HARS1: variants seen among roughly 807,000 people sequenced by gnomAD.
HARS1 encodes the protein histidine--tRNA ligase, cytoplasmic.
A neutral mutation model predicts 63.6 loss-of-function variants in HARS1; 45 were observed. The ratio of observed to expected loss-of-function variants is 0.71; its 90% CI spans 0.56 to 0.91. The LOEUF is 0.91. Among genes scored for constraint, HARS1 ranks in the 40% least tolerant of loss-of-function variants. The probability of loss-of-function intolerance (pLI) is 0.00; values close to 1 mark genes in which losing one functional copy is unlikely to be tolerated. For synonymous variants in HARS1, 205 were observed against 247.1 expected (o/e 0.83, Z 1.60); for missense variants, 508 against 643.2 (o/e 0.79, Z 2.27).
chr5:140,680,810 A>G (rs1370595476), intron 3 of HARS1, among the ~76,000 whole-genome samples: 1 of 151,990 alleles, frequency 6.6e-6, no homozygotes, highest in East Asian at 1.9e-4. Flanking sequence ...ATTGCACTCC[A>G]GCCTGGGTGA....
intron 2 of HARS1, among the ~76,000 whole-genome samples, chr5:140,689,852 G>A (rs1052644719): frequency 1.3e-5 from 2 of 152,192 alleles, no homozygotes; most frequent in Non-Finnish European, 2.9e-5. Context: ...AAGTGGAACT[G>A]AACTGGAGGA....
Position 140,691,301 on chromosome 5 carries a change from C to T in HARS1, c.4G>A (p.Ala2Thr), listed in dbSNP as rs1759420210. Reference sequence around the variant, plus strand: ...AGCTCCTCCAGCGCCGCACGCTCTGCCATCCCGGCTGTCCACTTGAGCCGC... The same window carrying T: ...AGCTCCTCCAGCGCCGCACGCTCTGTCATCCCGGCTGTCCACTTGAGCCGC... MAERAALEELVK... is the reference protein window; with the variant it reads MTERAALEELVK... The change falls in exon 1 of 13, where the codon GCA (alanine) becomes ACA (threonine). Residue 2 changes from alanine (A) to threonine (T), a missense_variant. Coordinates refer to ENST00000504156, the MANE Select transcript of HARS1 (RefSeq NM_002109.6). The T allele has an allele frequency of 6.2e-7, 1 of 1,604,094 alleles. No individual in the cohort carries two copies. Among genetic ancestry groups the T allele is most frequent in the Non-Finnish European group, 8.5e-7 (1 of 1,178,068 alleles).
intron 10 of HARS1, 43 bp from the exon 11 acceptor site, chr5:140,675,176 A>G (rs1758292062): frequency 8.0e-7 from 1 of 1,255,956 alleles, no homozygotes; most frequent in Non-Finnish European, 1.2e-6. Context: ...TAACACCTTC[A>G]AGGAGCAAAC....
Position 140,679,357 on chromosome 5 carries a change from T to C in HARS1, c.397-230A>G. ...CCCTTTTGTAGTGTTGACTGGACTT[T>C]TTTGAGCATGGCAAGGGGCTGGGCA... On this transcript the variant is annotated intron_variant, in intron 4 of 12. Coordinates refer to ENST00000504156, the MANE Select transcript of HARS1 (RefSeq NM_002109.6). The surrounding 1 kb of genome is among the most constrained non-coding windows in gnomAD (Gnocchi z 4.3). The C allele has an allele frequency of 2.1e-6, 1 of 475,704 alleles. No individual in the cohort carries two copies. 29.5% of individuals were successfully genotyped at this position (475,704 alleles called of 1,614,324 possible). A position where few individuals can be genotyped will look rare whatever the true frequency, so the allele number is the denominator to read the frequency against.
intron 8 of HARS1, 91 bp from the exon 9 acceptor site, chr5:140,677,207 ATGTG>A: frequency 3.4e-6 from 5 of 1,451,036 alleles, no homozygotes; most frequent in Non-Finnish European, 3.9e-6. Flanking sequence ...TCGCCCATGC[ATGTG>A]TGTGTACATA....
intron 2 of HARS1, among the ~76,000 whole-genome samples, chr5:140,690,586 G>A (rs770071776): frequency 6.6e-6 from 1 of 152,198 alleles, no homozygotes; most frequent in Non-Finnish European, 1.5e-5. Context: ...TAGAGACATA[G>A]CGCTAAATAC....
intron 2 of HARS1, chr5:140,684,269 G>A: frequency 2.5e-6 from 2 of 792,940 alleles, no homozygotes; most frequent in Non-Finnish European, 3.1e-6. Flanking sequence ...CAGCCTGGGA[G>A]ACAGAGCAAG....
intron 12 of HARS1, 149 bp downstream of exon 12, chr5:140,674,530 T>C: frequency 1.1e-6 from 1 of 931,814 alleles, no homozygotes; most frequent in Non-Finnish European, 1.7e-6. Context: ...CTCACCCTAC[T>C]AAGACCACAG....
chr5:140,675,037 GT>G lies in HARS1; in HGVS notation c.1290del (p.Glu430AspfsTer20). On this transcript the variant is annotated frameshift_variant, in exon 11 of 13. Transcript: ENST00000504156. LOFTEE classifies it high-confidence loss of function. ...CATACCTTGATCCCAGCATCCCACA[GT>G]TCTGAGACAAGCTTTAGTCTTTCCT... Reference protein sequence around the residue: ...LLEERLKLVSELWDAGIKAEL... With the variant: ...LLEERLKLVSXLWDAGIKAEL... 1 of 1,611,436 alleles carries G rather than the reference GT, an allele frequency of 6.2e-7. No homozygotes were observed. The highest frequency in any genetic ancestry group is 8.5e-7 in the Non-Finnish European group (1 of 1,177,616).
Position 140,674,085 on chromosome 5 carries a change from G to T in HARS1, c.*172C>A. ...AAAGGTGTTGTACCTGGCCGTTTTT[G>T]CCAGTAATAATCAATAAAATAACCA... is the stretch of plus-strand genomic sequence containing the variant. On this transcript the variant is annotated 3_prime_UTR_variant, in exon 13 of 13. Coordinates refer to ENST00000504156, the MANE Select transcript of HARS1 (RefSeq NM_002109.6). 1.0e-4 allele frequency: 69 copies of T among 663,244 alleles called. No individual in the cohort carries two copies. The highest frequency in any genetic ancestry group is 1.4e-4 in the East Asian group (5 of 35,108). The allele number at this position is 663,244 out of a possible 1,614,324, so 41.1% of individuals were successfully genotyped here. A position where few individuals can be genotyped will look rare whatever the true frequency, so the allele number is the denominator to read the frequency against.
Position 140,679,004 on chromosome 5 carries a change from A to C in HARS1, c.520T>G (p.Cys174Gly). 1 of 1,613,596 alleles carries C rather than the reference A, an allele frequency of 6.2e-7. No homozygotes were observed. Among genetic ancestry groups the C allele is most frequent in the Non-Finnish European group, 8.5e-7 (1 of 1,179,752 alleles). ...CCCCACGGTTTCCCAACACTCACAC[A>C]CTGGTAGAATTCCCGGTATCGGCCA... ...TRGRYREFYQ[C>G]DFDIAGNFDP... The change falls in exon 5 of 13, where the codon TGT (cysteine) becomes GGT (glycine). Residue 174 changes from cysteine (C) to glycine (G), a missense_variant and splice_region_variant. Coordinates refer to ENST00000504156, the MANE Select transcript of HARS1 (RefSeq NM_002109.6). This position sits in a 1 kb window ranked among gnomAD's most constrained non-coding sequence, Gnocchi z 4.3.
intron 1 of HARS1, 114 bp downstream of exon 1, chr5:140,691,101 C>T: frequency 1.0e-6 from 1 of 952,708 alleles, no homozygotes; most frequent in Middle Eastern, 2.1e-4. Context: ...AGCCCACTCT[C>T]CTCCCTACAA....
chr5:140,676,980 T>G lies in HARS1; in HGVS notation c.951+9A>C. Reference sequence around the variant, plus strand: ...GCTCAGAAGGGATCCCGTCCCCAACTTGACTCACTTTGTCATCAATGCCAA... The same window carrying G: ...GCTCAGAAGGGATCCCGTCCCCAACGTGACTCACTTTGTCATCAATGCCAA... On this transcript the variant is annotated intron_variant, in intron 9 of 12. Transcript: ENST00000504156. This position sits in a 1 kb window ranked among gnomAD's most constrained non-coding sequence, Gnocchi z 4.1. 1.9e-6 allele frequency: 3 copies of G among 1,614,238 alleles called. No individual in the cohort carries two copies. Among genetic ancestry groups the G allele is most frequent in the Non-Finnish European group, 2.5e-6 (3 of 1,180,036 alleles).
rs1430747710 is a variant in HARS1 at position 140,676,683 on chromosome 5, T to A, written c.1165A>T (p.Ile389Phe). 1.2e-6 allele frequency: 2 copies of A among 1,614,024 alleles called. No individual in the cohort carries two copies. The highest frequency in any genetic ancestry group is 1.7e-6 in the Non-Finnish European group (2 of 1,180,030). ...AGTCTCTGTTCCACGATGGAGAAAA[T>A]CCGCTCCACCCCAATGCTGAGCCCC... is the stretch of plus-strand genomic sequence containing the variant. ...CVGLSIGVER[I>F]FSIVEQRLEA... The change falls in exon 10 of 13, where the codon ATT (isoleucine) becomes TTT (phenylalanine). Residue 389 changes from isoleucine to phenylalanine, a missense_variant. Ile to Phe is a conservative substitution (Grantham distance 21). This residue lies in a region of HARS1 where 403 missense variants were observed against 548.7 expected (regional missense o/e 0.73). Transcript: ENST00000504156. The surrounding 1 kb of genome is among the most constrained non-coding windows in gnomAD (Gnocchi z 4.1).
intron 12 of HARS1, 118 bp from the exon 13 acceptor site, chr5:140,674,446 A>T (rs1758232796): frequency 1.2e-6 from 1 of 846,652 alleles, no homozygotes; most frequent in Non-Finnish European, 2.0e-6. Context: ...GCAGGAACCT[A>T]ATTAAACACC....
Position 140,677,732 on chromosome 5 carries a change from C to A in HARS1, c.652G>T (p.Asp218Tyr). The part of the protein sequence containing the change: ...LVKVNDRRIL[D>Y]GMFAICGVSD... ...ACACCACAGATAGCAAACATCCCAT[C>A]TAGAATGCGTCGATCGTTTACCTGC... Residue 218 changes from aspartate to tyrosine, a missense_variant, in exon 7 of 13, where the codon GAT becomes TAT. By Grantham distance (160) the Asp-to-Tyr change is radical. This residue lies in a region of HARS1 where 403 missense variants were observed against 548.7 expected (regional missense o/e 0.73). Coordinates refer to ENST00000504156, the MANE Select transcript of HARS1 (RefSeq NM_002109.6). 6.2e-7 allele frequency: 1 copy of A among 1,610,732 alleles called. No individual in the cohort carries two copies. The highest frequency in any genetic ancestry group is 2.2e-5 in the East Asian group (1 of 44,826).
chr5:140,688,401 A>G (rs1165182277), intron 2 of HARS1, among the ~76,000 whole-genome samples: 2 of 152,024 alleles, frequency 1.3e-5, no homozygotes, highest in Non-Finnish European at 2.9e-5. Flanking sequence ...TTTTTCTTAC[A>G]TATTTTTAAA....
rs1239938111 is a variant in HARS1 at position 140,679,393 on chromosome 5, AGACCAGAAAAAGGC to A, written c.397-280_397-267del. ...GCAAGGGGCTGGGCAGGTTGGCCAC[AGACCAGAAAAAGGC>A]GACCAGAAAAAGGCCCCCATATGGG... On this transcript the variant is annotated intron_variant, in intron 4 of 12. Transcript: ENST00000504156. This position sits in a 1 kb window ranked among gnomAD's most constrained non-coding sequence, Gnocchi z 4.3. 3 of 428,754 alleles carry A rather than the reference AGACCAGAAAAAGGC, an allele frequency of 7.0e-6. No individual in the cohort carries two copies. The highest frequency in any genetic ancestry group is 4.1e-5 in the Admixed American group (1 of 24,262). 26.6% of individuals were successfully genotyped at this position (428,754 alleles called of 1,614,324 possible). A position where few individuals can be genotyped will look rare whatever the true frequency, so the allele number is the denominator to read the frequency against.
At chr5:140,682,961 C>CT in intron 3 of HARS1, 139 bp downstream of exon 3, 1 of 721,464 alleles carries the variant, frequency 1.4e-6, no homozygotes, top group South Asian at 2.3e-5. Flanking sequence ...ATTCTTGTCC[C>CT]CCTTCTTATT....
Sources: allele counts gnomAD v4.1 joint callset (sites outside exome capture counted in the v4.1 genomes callset), GRCh38; gene constraint gnomAD v4.1.1; regional missense constraint gnomAD v4.1.1; non-coding constraint Gnocchi (gnomAD v3.1); transcripts MANE v1.5; gene names NCBI Gene and HGNC (gene_info 2026-07-23, HGNC 2026-07-21).